The following DISP2 variants were observed in gnomAD, a reference collection of about 807,000 sequenced individuals.
DISP2 encodes the protein dispatched RND transporter family member 2, also known as protein dispatched homolog 2.
Under a neutral mutation model 95.5 loss-of-function variants are expected in DISP2, and 59 were observed. The observed-to-expected ratio is 0.62, with a 90% confidence interval of 0.50 to 0.77. The LOEUF is 0.77. Among genes scored for constraint, DISP2 ranks in the 30% least tolerant of loss-of-function variants. The probability of loss-of-function intolerance (pLI) is 0.00; values close to 1 mark genes in which losing one functional copy is unlikely to be tolerated. For missense variants in DISP2, 1,752 were observed against 1,854.6 expected, an observed-to-expected ratio of 0.94 and a Z score of 1.02; for synonymous variants, 827 against 815.0, an observed-to-expected ratio of 1.01 and a Z score of -0.25.
At chr15:40,365,997 G>C (rs1889492349) in intron 7 of DISP2, among the ~76,000 whole-genome samples, 2 of 152,388 alleles carry the variant, frequency 1.3e-5, no homozygotes, top group South Asian at 4.1e-4. Context: ...GGGCCCTCCA[G>C]AGCGGGTGAG....
chr15:40,368,304 C>G lies in DISP2; in HGVS notation c.2192C>G (p.Thr731Arg). The G allele has an allele frequency of 6.2e-7, 1 of 1,604,762 alleles. No individual in the cohort carries two copies. Among genetic ancestry groups the G allele is most frequent in the African/African-American group, 1.3e-5 (1 of 74,898 alleles). Residue 731 changes from threonine (T) to arginine (R), a missense_variant, in exon 8 of 8, where the codon ACG becomes AGG. Thr to Arg is a moderately conservative substitution (Grantham distance 71). Coordinates refer to ENST00000267889, the MANE Select transcript of DISP2 (RefSeq NM_033510.3). ...GTCAGCCCCCGCCTGCGGCTGCCCA[C>G]GCTGCCGCCGCCCGGCGGCCAGGTC... is the stretch of plus-strand genomic sequence containing the variant. ...AGVSPRLRLP[T>R]LPPPGGQVFR...
chr15:40,370,753 C>T lies in DISP2; in HGVS notation c.*435C>T. On this transcript the variant is annotated 3_prime_UTR_variant, in exon 8 of 8. Transcript: ENST00000267889. ...TGACCAGAGGAGCCCGCAGCAATCT[C>T]CACAGCCTCCTGGGTCTCACCCCTT... The T allele has an allele frequency of 2.3e-6, 1 of 436,718 alleles. No individual in the cohort carries two copies. Among genetic ancestry groups the T allele is most frequent in the Non-Finnish European group, 4.6e-6 (1 of 215,916 alleles). 27.1% of individuals were successfully genotyped at this position (436,718 alleles called of 1,614,324 possible).
rs1889443419 is a variant in DISP2 at position 40,363,691 on chromosome 15, C to G, written c.186C>G (p.Pro62=). 1 of 1,604,386 alleles carries G rather than the reference C, an allele frequency of 6.2e-7. No individual in the cohort carries two copies. Among genetic ancestry groups the G allele is most frequent in the African/African-American group, 1.3e-5 (1 of 74,816 alleles). The change falls in exon 2 of 8, where the codon CCC becomes CCG. Residue 62 remains proline (P), a synonymous_variant. Transcript: ENST00000267889. ...GAAGCTGCTCCCTCCACAGCTGCCCCCTGGAGGACCCTTCCAGCTCTTCAG... is the reference window on the plus strand; with the variant it reads ...GAAGCTGCTCCCTCCACAGCTGCCCGCTGGAGGACCCTTCCAGCTCTTCAG... ...PERSCSLHSC[P]LEDPSSSSGP...
chr15:40,365,302 T>A, intron 6 of DISP2, 28 bp downstream of exon 6: 1 of 1,611,210 alleles, frequency 6.2e-7, no homozygotes, highest in African/African-American at 1.3e-5. Context: ...CAGTTCCTGG[T>A]TTTAATAGTG....
In DISP2 at chr15:40,358,377, G is replaced by A. The variant is rs1413541525; in HGVS notation, c.56G>A (p.Gly19Asp). 1 of 1,369,268 alleles carries A rather than the reference G, an allele frequency of 7.3e-7. No individual in the cohort carries two copies. The highest frequency in any genetic ancestry group is 1.7e-5 in the South Asian group (1 of 59,534). 84.8% of individuals were successfully genotyped at this position (1,369,268 alleles called of 1,614,324 possible). ...SGGSGPAPGP[G>D]PEGEQRPEGE... ...GGCAGCGGTCCGGCTCCCGGCCCGG[G>A]TCCGGAAGGGGAGCAACGGCCCGAG... The change falls in exon 1 of 8, where the codon GGT (glycine) becomes GAT (aspartate). Residue 19 changes from glycine to aspartate, a missense_variant. Physicochemically the swap from Gly to Asp is moderately conservative, Grantham distance 94 (BLOSUM62 -1). Transcript: ENST00000267889.
At chr15:40,359,869 A>G (rs887352056) in intron 1 of DISP2, among the ~76,000 whole-genome samples, 2 of 152,186 alleles carry the variant, frequency 1.3e-5, no homozygotes, top group African/African-American at 4.8e-5. Context: ...GTGCACACAC[A>G]CTGGCTAGAG....
Position 40,369,366 on chromosome 15 carries a change from A to T in DISP2, c.3254A>T (p.Tyr1085Phe). The T allele has an allele frequency of 6.2e-7, 1 of 1,613,558 alleles. No homozygotes were observed. The highest frequency in any genetic ancestry group is 1.1e-5 in the South Asian group (1 of 91,090). Residue 1085 changes from tyrosine (Y) to phenylalanine (F), a missense_variant, in exon 8 of 8, where the codon TAT becomes TTT. Physicochemically the swap from Tyr to Phe is conservative, Grantham distance 22 (BLOSUM62 3). This residue lies in a region of DISP2 where 317 missense variants were observed against 394.9 expected (regional missense o/e 0.80). Transcript: ENST00000267889. ...ATGCTGCCTGCCACAGTGCTGCTCT[A>T]TCGCAAGCTGGGCATCATCCTCATG... ...VLMLPATVLL[Y>F]RKLGIILMMV...
At position 40,367,340 on chromosome 15, in the gene DISP2, C is replaced by G. The variant is rs1450519904; in HGVS notation, c.1228C>G (p.Gln410Glu). The change falls in exon 8 of 8, where the codon CAA becomes GAA. Residue 410 changes from glutamine to glutamate, a missense_variant. Gln to Glu is a conservative substitution (Grantham distance 29). Around this residue, in one of 5 missense-constraint regions of DISP2, gnomAD observed 732 missense variants for 714.6 expected, o/e 1.02. Transcript: ENST00000267889. ...TKCSQSSAIY[Q>E]LLHFLLDRDF... ...GTGCTCCCAGAGTAGTGCCATCTAC[C>G]AACTCCTGCACTTTCTGCTTGACAG... 1 of 1,613,542 alleles carries G rather than the reference C, an allele frequency of 6.2e-7. No homozygotes were observed. The highest frequency in any genetic ancestry group is 8.5e-7 in the Non-Finnish European group (1 of 1,179,946).
chr15:40,368,053 C>A lies in DISP2; in HGVS notation c.1941C>A (p.Tyr647Ter). 1 of 1,517,038 alleles carries A rather than the reference C, an allele frequency of 6.6e-7. No homozygotes were observed. Among genetic ancestry groups the A allele is most frequent in the Non-Finnish European group, 8.8e-7 (1 of 1,138,192 alleles). 94.0% of individuals were successfully genotyped at this position (1,517,038 alleles called of 1,614,324 possible). The change falls in exon 8 of 8, where the codon TAC (tyrosine) becomes TAA (stop). Residue 647 changes from tyrosine to a stop codon, truncating the protein, a stop_gained. Coordinates refer to ENST00000267889, the MANE Select transcript of DISP2 (RefSeq NM_033510.3). LOFTEE classifies it high-confidence loss of function. Reference protein sequence around the residue: ...LPASAVLHERYLARGCARRAR... With the variant: ...LPASAVLHER ...CCTCCGCCGTGCTCCACGAGCGCTA[C>A]CTGGCGCGCGGCTGTGCGCGCCGGG...
Position 40,364,501 on chromosome 15 carries a change from G to T in DISP2, c.560G>T (p.Gly187Val), listed in dbSNP as rs1188398524. Reference protein sequence around the residue: ...LAVIFLCTLAGLLGARLPDFS... With the variant: ...LAVIFLCTLAVLLGARLPDFS... ...GTCATCTTCCTCTGCACCCTGGCTGGACTGTTGGGGGCCCGGCTGCCCGAC... is the reference window on the plus strand; with the variant it reads ...GTCATCTTCCTCTGCACCCTGGCTGTACTGTTGGGGGCCCGGCTGCCCGAC... The change falls in exon 4 of 8, where the codon GGA becomes GTA. Residue 187 changes from glycine to valine, a missense_variant. Gly to Val is a moderately radical substitution (Grantham distance 109, BLOSUM62 -3). Around this residue, in one of 5 missense-constraint regions of DISP2, gnomAD observed 342 missense variants for 364.3 expected, o/e 0.94. Transcript: ENST00000267889. 1.2e-6 allele frequency: 2 copies of T among 1,614,062 alleles called. No individual in the cohort carries two copies. The highest frequency in any genetic ancestry group is 4.5e-5 in the East Asian group (2 of 44,886).
chr15:40,369,023 G>T lies in DISP2; in HGVS notation c.2911G>T (p.Ala971Ser). The T allele has an allele frequency of 6.2e-7, 1 of 1,614,002 alleles. No individual in the cohort carries two copies. Among genetic ancestry groups the T allele is most frequent in the Non-Finnish European group, 8.5e-7 (1 of 1,180,046 alleles). The change falls in exon 8 of 8, where the codon GCT (alanine) becomes TCT (serine). Residue 971 changes from alanine (A) to serine (S), a missense_variant. Around this residue, in one of 5 missense-constraint regions of DISP2, gnomAD observed 317 missense variants for 394.9 expected, o/e 0.80. Transcript: ENST00000267889. ...STEPAVVLGL[A>S]LALAFATLLL... ...TGAGCCTGCTGTGGTGCTGGGCCTG[G>T]CTTTGGCGCTGGCCTTTGCCACACT...
At position 40,358,244 on chromosome 15, in the gene DISP2, TGCCGCCGCCAC is replaced by T; in HGVS notation, c.-77_-67del. ...ATGCGCACGAGCACCCCGCCGCCGC[TGCCGCCGCCAC>T]CGCCGCCGCCGCCGCCGCCGCCGCG... On this transcript the variant is annotated 5_prime_UTR_variant, in exon 1 of 8. Transcript: ENST00000267889. 1 of 779,750 alleles carries T rather than the reference TGCCGCCGCCAC, an allele frequency of 1.3e-6. No individual in the cohort carries two copies. Among genetic ancestry groups the T allele is most frequent in the Non-Finnish European group, 1.6e-6 (1 of 614,816 alleles). 48.3% of individuals were successfully genotyped at this position (779,750 alleles called of 1,614,324 possible).
In DISP2 at chr15:40,374,032, T is replaced by C. The variant is rs978134091; in HGVS notation, c.*3714T>C. ...AAAAAAAAATATATATATATATATA[T>C]GTAAACTTGATATAGTCTGTTACCA... On this transcript the variant is annotated 3_prime_UTR_variant, in exon 8 of 8. Transcript: ENST00000267889. 7.4e-6 allele frequency: 1 copy of C among 135,144 alleles called. No individual in the cohort carries two copies. Among genetic ancestry groups the C allele is most frequent in the South Asian group, 2.2e-4 (1 of 4,470 alleles). The allele number at this position is 135,144 out of a possible 1,614,324, so 8.4% of individuals were successfully genotyped here.
rs1370163320 is a variant in DISP2, at chr15:40,376,275, G to C, written c.*5957G>C. ...GCTTGAGGCCAGGAGTTTGAGACCA[G>C]CTTGGGCAACATAGCAAGATCCCGT... On this transcript the variant is annotated 3_prime_UTR_variant, in exon 8 of 8. Transcript: ENST00000267889. 6.6e-6 allele frequency: 1 copy of C among 152,248 alleles called. No individual in the cohort carries two copies. The highest frequency in any genetic ancestry group is 1.5e-5 in the Non-Finnish European group (1 of 68,084). The allele number at this position is 152,248 out of a possible 1,614,324, so 9.4% of individuals were successfully genotyped here.
rs775584749 is a variant in DISP2 at position 40,358,451 on chromosome 15, C to T, written c.119+11C>T. Reference sequence around the variant, plus strand: ...CGGCTCCCCGGACAGGTAGGGCGGACAGCTCCGCAGATCCGTATCACAGAC... The same window carrying T: ...CGGCTCCCCGGACAGGTAGGGCGGATAGCTCCGCAGATCCGTATCACAGAC... On this transcript the variant is annotated intron_variant, in intron 1 of 7. Transcript: ENST00000267889. 2 of 1,300,796 alleles carry T rather than the reference C, an allele frequency of 1.5e-6. No individual in the cohort carries two copies. Among genetic ancestry groups the T allele is most frequent in the South Asian group, 2.2e-5 (1 of 45,990 alleles). 80.6% of individuals were successfully genotyped at this position (1,300,796 alleles called of 1,614,324 possible). A position where few individuals can be genotyped will look rare whatever the true frequency, so the allele number is the denominator to read the frequency against.
In DISP2 at chr15:40,369,295, C is replaced by T. The variant is rs758121804; in HGVS notation, c.3183C>T (p.Cys1061=). ...CCTTCTCTCTGCGCCAGACCAGCTGCGCCACAGCCGTGGGGGCTGCAGCCC... is the reference window on the plus strand; with the variant it reads ...CCTTCTCTCTGCGCCAGACCAGCTGTGCCACAGCCGTGGGGGCTGCAGCCC... ...RVAFSLRQTS[C]ATAVGAAALF... The change falls in exon 8 of 8, where the codon TGC becomes TGT. Residue 1061 remains cysteine (C), a synonymous_variant. Coordinates refer to ENST00000267889, the MANE Select transcript of DISP2 (RefSeq NM_033510.3). The T allele has an allele frequency of 6.6e-5, 106 of 1,613,500 alleles. No individual in the cohort carries two copies. The highest frequency in any genetic ancestry group is 8.1e-5 in the Non-Finnish European group (96 of 1,180,046).
At position 40,358,260 on chromosome 15, in the gene DISP2, G is replaced by A. The variant is rs187835877; in HGVS notation, c.-62G>A. ...CGCCGCCGCTGCCGCCGCCACCGCC[G>A]CCGCCGCCGCCGCCGCCGCGGCTTC... On this transcript the variant is annotated 5_prime_UTR_variant, in exon 1 of 8. Transcript: ENST00000267889. The A allele has an allele frequency of 4.6e-4, 412 of 887,696 alleles. 8 individuals carry two copies. In the East Asian group the frequency reaches 0.014, roughly 29 times the overall value. The allele number at this position is 887,696 out of a possible 1,614,324, so 55.0% of individuals were successfully genotyped here. A position where few individuals can be genotyped will look rare whatever the true frequency, so the allele number is the denominator to read the frequency against.
At chr15:40,366,878 TGGCACCTGGGCCAGGAGCCAAA>T (rs985073441) in intron 7 of DISP2, among the ~76,000 whole-genome samples, 158 bp from the exon 8 acceptor site, 3 of 152,200 alleles carry the variant, frequency 2.0e-5, no homozygotes, top group African/African-American at 7.2e-5. Context: ...ATGTAGCTGC[TGGCACCTGGGCCAGGAGCCAAA>T]GGCAGCTGGG....
intron 1 of DISP2, among the ~76,000 whole-genome samples, chr15:40,362,602 A>G (rs1004058303): frequency 6.6e-6 from 1 of 152,254 alleles, no homozygotes; most frequent in African/African-American, 2.4e-5. Context: ...ACTCTATAAT[A>G]TAATATTCAA....
Sources: allele counts gnomAD v4.1 joint callset (sites outside exome capture counted in the v4.1 genomes callset), GRCh38; gene constraint gnomAD v4.1.1; regional missense constraint gnomAD v4.1.1; transcripts MANE v1.5; gene names NCBI Gene and HGNC (gene_info 2026-07-23, HGNC 2026-07-21).